Variants in STXBP5L observed in about 807,000 individuals in gnomAD.
STXBP5L encodes the protein syntaxin-binding protein 5-like.
Under a neutral mutation model 144.5 loss-of-function variants are expected in STXBP5L, and 65 were observed. That is an observed-to-expected ratio of 0.45 (90% CI 0.37 to 0.55). The LOEUF is 0.55. Ranked by LOEUF, STXBP5L falls within the 20% of genes least tolerant of loss-of-function variation. STXBP5L has a pLI of 0.00. For synonymous variants in STXBP5L, 505 were observed against 469.6 expected (o/e 1.08, Z -0.97); for missense variants, 1,298 against 1,405.5 (o/e 0.92, Z 1.22).
At chr3:121,083,487 C>A (rs1199555259) in intron 5 of STXBP5L, among the ~76,000 whole-genome samples, 5 of 152,030 alleles carry the variant, frequency 3.3e-5, no homozygotes, top group Non-Finnish European at 5.9e-5. Context: ...CATGGTGAAA[C>A]CCCATCTCTA....
chr3:121,259,192 A>C, intron 18 of STXBP5L, 24 bp downstream of exon 18: 1 of 1,509,526 alleles, frequency 6.6e-7, no homozygotes, highest in Non-Finnish European at 8.9e-7. Flanking sequence ...CTTTTTTATG[A>C]TATGTATTAT....
chr3:121,012,528 G>T (rs1047985110), intron 3 of STXBP5L, among the ~76,000 whole-genome samples: 1 of 151,712 alleles, frequency 6.6e-6, no homozygotes, highest in Non-Finnish European at 1.5e-5. Context: ...CATCTTAGTG[G>T]CTGTAGAGTG....
At chr3:121,161,867 C>T (rs533040912) in intron 9 of STXBP5L, among the ~76,000 whole-genome samples, 24 of 152,036 alleles carry the variant, frequency 1.6e-4, no homozygotes, top group South Asian at 1.0e-3. Context: ...CCACAATTAC[C>T]GCTTTTATTT....
chr3:120,963,732 T>A (rs978625529), intron 3 of STXBP5L, among the ~76,000 whole-genome samples: 2 of 152,214 alleles, frequency 1.3e-5, no homozygotes, highest in African/African-American at 4.8e-5. Context: ...TCTAAAATTC[T>A]CTTTTATTGT....
chr3:121,161,939 A>G (rs2046336733), intron 9 of STXBP5L, among the ~76,000 whole-genome samples: 1 of 152,166 alleles, frequency 6.6e-6, no homozygotes, highest in East Asian at 1.9e-4. Context: ...TGATATTTAA[A>G]AATTTAGAAA....
At chr3:121,384,252 A>C (rs1399501062) in intron 22 of STXBP5L, among the ~76,000 whole-genome samples, 1 of 152,132 alleles carries the variant, frequency 6.6e-6, no homozygotes, top group East Asian at 1.9e-4. Flanking sequence ...CACTAAGAGA[A>C]ATAAAGAATA....
intron 4 of STXBP5L, among the ~76,000 whole-genome samples, chr3:121,044,225 G>C (rs545978294): frequency 8.7e-5 from 13 of 148,984 alleles, no homozygotes; most frequent in Non-Finnish European, 1.5e-4. Flanking sequence ...ATATTTTCTT[G>C]GATATGATCT....
chr3:120,966,432 T>A (rs757670071), intron 3 of STXBP5L, among the ~76,000 whole-genome samples: 2 of 152,228 alleles, frequency 1.3e-5, no homozygotes, highest in Non-Finnish European at 2.9e-5. Flanking sequence ...CTACCTTTGG[T>A]ATTTAATGCT....
chr3:120,982,554 C>G (rs905036764), intron 3 of STXBP5L, among the ~76,000 whole-genome samples: 2 of 152,206 alleles, frequency 1.3e-5, no homozygotes, highest in African/African-American at 4.8e-5. Context: ...ACCTCCAGGC[C>G]ACAGTGTAAC....
intron 5 of STXBP5L, among the ~76,000 whole-genome samples, chr3:121,081,036 T>C (rs769779944): frequency 3.3e-5 from 5 of 152,122 alleles, no homozygotes; most frequent in Non-Finnish European, 7.4e-5. Flanking sequence ...CTCATATTTC[T>C]TGGAGACTTT....
intron 3 of STXBP5L, among the ~76,000 whole-genome samples, chr3:121,034,794 T>G (rs1346973766): frequency 1.3e-5 from 2 of 152,158 alleles, no homozygotes; most frequent in African/African-American, 4.8e-5. Context: ...TTGAGAAATA[T>G]CCACACTATT....
chr3:120,959,412 A>T (rs557189496), intron 3 of STXBP5L, among the ~76,000 whole-genome samples: 1 of 152,248 alleles, frequency 6.6e-6, no homozygotes, highest in African/African-American at 2.4e-5. Flanking sequence ...TTTAAAGTTC[A>T]TATGGAACCA....
rs536309952 is a variant in STXBP5L, at chr3:121,170,707, A to C, written c.877+13080A>C. Among the ~76,000 whole-genome samples, 35 of 152,324 alleles carry C rather than the reference A, an allele frequency of 2.3e-4. 2 individuals carry two copies. In the South Asian group the frequency reaches 6.2e-3, roughly 27 times the overall value. ...AAATTGAGGCAGTAATTATTAGCCT[A>C]CCAACCAAAAACAACCCAGCACCAG... is the stretch of plus-strand genomic sequence containing the variant. On this transcript the variant is annotated intron_variant, in intron 9 of 26. Coordinates refer to ENST00000471454, the MANE Select transcript of STXBP5L (RefSeq NM_001308330.2).
At chr3:121,400,370 C>T (rs926115796) in intron 22 of STXBP5L, among the ~76,000 whole-genome samples, 2 of 152,194 alleles carry the variant, frequency 1.3e-5, no homozygotes, top group African/African-American at 2.4e-5. Flanking sequence ...AGCAGCCATC[C>T]TTATCCTGAG....
chr3:121,175,087 T>A (rs2046880685), intron 9 of STXBP5L, among the ~76,000 whole-genome samples: 1 of 152,126 alleles, frequency 6.6e-6, no homozygotes, highest in Non-Finnish European at 1.5e-5. Flanking sequence ...GAACACTGTA[T>A]CTACTGTCCA....
At chr3:121,143,382 A>G (rs1335809609) in intron 7 of STXBP5L, among the ~76,000 whole-genome samples, 1 of 151,794 alleles carries the variant, frequency 6.6e-6, no homozygotes, top group African/African-American at 2.4e-5. Flanking sequence ...ACAAGAAAAT[A>G]AAACTGTAGG....
intron 3 of STXBP5L, among the ~76,000 whole-genome samples, chr3:121,014,862 A>AT (rs985616118): frequency 6.6e-6 from 1 of 152,088 alleles, no homozygotes; most frequent in African/African-American, 2.4e-5. Context: ...TAATAATTAT[A>AT]TTTTTATGTG....
At chr3:121,033,509 C>A (rs536326206) in intron 3 of STXBP5L, among the ~76,000 whole-genome samples, 11 of 135,344 alleles carry the variant, frequency 8.1e-5, no homozygotes, top group African/African-American at 3.1e-4. Flanking sequence ...CAGCATGGCA[C>A]ATGTATACAT....
chr3:121,312,873 CCCGGT>C (rs1368035751), intron 19 of STXBP5L, among the ~76,000 whole-genome samples: 1 of 152,188 alleles, frequency 6.6e-6, no homozygotes, highest in African/African-American at 2.4e-5. Flanking sequence ...TCCACACAGA[CCCGGT>C]AAACATCCGA....
Sources: gnomAD v4.1 joint callset for allele counts (sites outside exome capture counted in the v4.1 genomes callset) on GRCh38, gnomAD v4.1.1 for gene constraint, MANE v1.5 for transcripts, NCBI Gene and HGNC (gene_info 2026-07-23, HGNC 2026-07-21) for gene names.